The following AGPAT3 variants were observed in gnomAD, a reference collection of about 807,000 sequenced individuals.
The protein encoded by AGPAT3 is 1-acylglycerol-3-phosphate O-acyltransferase 3, also known as 1-acyl-sn-glycerol-3-phosphate acyltransferase gamma.
In AGPAT3, 5 loss-of-function variants were observed where a neutral mutation model predicts 47.3. That is an observed-to-expected ratio of 0.11 (90% CI 0.06 to 0.22). The LOEUF (loss-of-function observed/expected upper bound fraction) is 0.22, where lower values mean the gene tolerates loss of function less well. Among genes scored for constraint, AGPAT3 ranks in the 10% least tolerant of loss-of-function variants. AGPAT3 has a pLI of 1.00. For synonymous variants in AGPAT3, 212 were observed against 208.3 expected, an observed-to-expected ratio of 1.02 and a Z score of -0.15; for missense variants, 315 against 493.0, an observed-to-expected ratio of 0.64 and a Z score of 3.42.
chr21:43,951,141 T>A (rs2088172337), intron 2 of AGPAT3, among the ~76,000 whole-genome samples: 1 of 151,568 alleles, frequency 6.6e-6, no homozygotes, highest in African/African-American at 2.4e-5. Context: ...CACAAGGCCC[T>A]CCCGTGCCAC....
At chr21:43,973,114 TA>T (rs1287004914) in intron 7 of AGPAT3, among the ~76,000 whole-genome samples, 2 of 152,218 alleles carry the variant, frequency 1.3e-5, no homozygotes, top group African/African-American at 2.4e-5. Context: ...AACATAAACA[TA>T]AGCTAGGTAA....
At chr21:43,972,554 G>A (rs1307795810) in intron 7 of AGPAT3, among the ~76,000 whole-genome samples, 1 of 152,154 alleles carries the variant, frequency 6.6e-6, no homozygotes, top group African/African-American at 2.4e-5. Context: ...ACCCCAGGAG[G>A]AGCCTGGGGC....
At chr21:43,883,864 G>T (rs1342709430) in intron 1 of AGPAT3, among the ~76,000 whole-genome samples, 2 of 152,190 alleles carry the variant, frequency 1.3e-5, no homozygotes, top group African/African-American at 2.4e-5. Flanking sequence ...AAAGTGCTGG[G>T]ATTACAGGTG....
At chr21:43,949,504 A>T (rs2088078313) in intron 2 of AGPAT3, among the ~76,000 whole-genome samples, 1 of 152,222 alleles carries the variant, frequency 6.6e-6, no homozygotes, top group African/African-American at 2.4e-5. Context: ...AACGCTCTAA[A>T]GACTGTCTTG....
rs1365651742 is a variant in AGPAT3, at chr21:43,952,851, G to T, written c.-48-6783G>T. ...CCCAGAAATCAGATGGAGCCCCAGA[G>T]GTCCCACCCCTGAGGTCCCACCCTG... On this transcript the variant is annotated intron_variant, in intron 2 of 9. Coordinates refer to ENST00000291572, the MANE Select transcript of AGPAT3 (RefSeq NM_020132.5). The surrounding 1 kb of genome is among the most constrained non-coding windows in gnomAD (Gnocchi z 5.6). 6.6e-6 allele frequency among the ~76,000 whole-genome samples: 1 copy of T among 152,026 alleles called. No individual in the cohort carries two copies. Among genetic ancestry groups the T allele is most frequent in the African/African-American group, 2.4e-5 (1 of 41,366 alleles).
intron 2 of AGPAT3, among the ~76,000 whole-genome samples, chr21:43,928,776 G>C (rs2087140649): frequency 4.6e-5 from 7 of 152,230 alleles, no homozygotes; most frequent in Admixed American, 4.6e-4. Context: ...TGAGGAGGGT[G>C]TGTTTGCGTG....
At chr21:43,911,289 T>C (rs1180974434) in intron 2 of AGPAT3, among the ~76,000 whole-genome samples, 1 of 152,258 alleles carries the variant, frequency 6.6e-6, no homozygotes, top group Admixed American at 6.5e-5. Flanking sequence ...GTCCGTGTGA[T>C]AGTTTTGGAG....
At chr21:43,962,482 G>A (rs993043449) in intron 3 of AGPAT3, among the ~76,000 whole-genome samples, 13 of 152,162 alleles carry the variant, frequency 8.5e-5, no homozygotes, top group African/African-American at 3.1e-4. Flanking sequence ...CTACTTTCTA[G>A]CAGTATTCTG....
chr21:43,958,965 G>A (rs550863725), intron 2 of AGPAT3, among the ~76,000 whole-genome samples: 56 of 127,590 alleles, frequency 4.4e-4, no homozygotes, highest in Admixed American at 3.3e-3. Context: ...GTGGTTTTGC[G>A]GTGTGTGTGG....
chr21:43,980,785 G>A (rs764478034), intron 8 of AGPAT3, among the ~76,000 whole-genome samples: 5 of 152,304 alleles, frequency 3.3e-5, no homozygotes, highest in East Asian at 3.9e-4. Flanking sequence ...ATATGCTTGC[G>A]AGCTCTCGAT....
Position 43,980,676 on chromosome 21 carries a change from G to A in AGPAT3, c.844-313G>A, listed in dbSNP as rs147490194. Among the ~76,000 whole-genome samples, 593 of 152,340 alleles carry A rather than the reference G, an allele frequency of 3.9e-3. 8 individuals carry two copies. Among genetic ancestry groups the A allele is most frequent in the Middle Eastern group, 0.027 (8 of 294 alleles). ...GCTCGTGGGAGGTGTGGGATGTGGC[G>A]GGTGGCCGGGGCAGTGCTGGGCAGG... is the stretch of plus-strand genomic sequence containing the variant. On this transcript the variant is annotated intron_variant, in intron 8 of 9. Transcript: ENST00000291572.
At chr21:43,947,909 G>A (rs962837015) in intron 2 of AGPAT3, among the ~76,000 whole-genome samples, 4 of 152,064 alleles carry the variant, frequency 2.6e-5, no homozygotes, top group Non-Finnish European at 5.9e-5. Context: ...GCCCACCTTG[G>A]CCTCCCAAAG....
At chr21:43,909,535 A>C (rs62228755) in intron 2 of AGPAT3, among the ~76,000 whole-genome samples, 16,182 of 152,166 alleles carry the variant, frequency 0.11, 1,660 homozygotes, top group African/African-American at 0.27. Flanking sequence ...TGACCTCGTG[A>C]TCCACCTGTC....
At chr21:43,917,352 C>T (rs2086755381) in intron 2 of AGPAT3, among the ~76,000 whole-genome samples, 2 of 152,206 alleles carry the variant, frequency 1.3e-5, no homozygotes, top group African/African-American at 2.4e-5. Flanking sequence ...GCCCTCCAGG[C>T]GCTCAGGTCT....
intron 2 of AGPAT3, among the ~76,000 whole-genome samples, chr21:43,957,217 C>T (rs900263443): frequency 4.9e-5 from 7 of 143,592 alleles, no homozygotes; most frequent in Admixed American, 1.4e-4. Context: ...GTATGGAGGG[C>T]GCTCTGTGGA....
chr21:43,882,435 G>A (rs929539876), intron 1 of AGPAT3: 2 of 152,364 alleles, frequency 1.3e-5, no homozygotes, highest in Non-Finnish European at 2.9e-5. Context: ...GCTGCAGTGA[G>A]AGGGTGGTGG....
At chr21:43,889,997 T>G (rs757469773) in intron 1 of AGPAT3, among the ~76,000 whole-genome samples, 10 of 148,926 alleles carry the variant, frequency 6.7e-5, no homozygotes, top group African/African-American at 9.7e-5. Flanking sequence ...TCTAACATTT[T>G]GGATCTGTGT....
Position 43,932,469 on chromosome 21 carries a change from ACG to A in AGPAT3, c.-48-27164_-48-27163del, listed in dbSNP as rs1029879285. Among the ~76,000 whole-genome samples, 35 of 152,184 alleles carry A rather than the reference ACG, an allele frequency of 2.3e-4. No homozygotes were observed. The highest frequency in any genetic ancestry group is 8.2e-4 in the African/African-American group (34 of 41,504). On this transcript the variant is annotated intron_variant, in intron 2 of 9. Transcript: ENST00000291572. The surrounding 1 kb of genome is among the most constrained non-coding windows in gnomAD (Gnocchi z 5.2). ...TTCTTCCTTATGGCTGAATAATAAC[ACG>A]GCGTTACGCACCGCACGCTCGCTAT...
intron 2 of AGPAT3, among the ~76,000 whole-genome samples, chr21:43,958,916 G>A (rs1177070477): frequency 6.8e-6 from 1 of 147,718 alleles, no homozygotes; most frequent in African/African-American, 2.5e-5. Flanking sequence ...GGTGGTGTGT[G>A]TGTGGCATGT....
Sources: allele counts gnomAD v4.1 joint callset (sites outside exome capture counted in the v4.1 genomes callset), GRCh38; gene constraint gnomAD v4.1.1; non-coding constraint Gnocchi (gnomAD v3.1); transcripts MANE v1.5; gene names NCBI Gene and HGNC (gene_info 2026-07-23, HGNC 2026-07-21).